The following SMC5 variants were observed in gnomAD, a reference collection of about 807,000 sequenced individuals.
The protein encoded by SMC5 is structural maintenance of chromosomes 5, also known as structural maintenance of chromosomes protein 5.
Under a neutral mutation model 148.3 loss-of-function variants are expected in SMC5, and 88 were observed. The observed-to-expected ratio is 0.59, with a 90% CI of 0.50 to 0.71. SMC5 has a LOEUF of 0.71. SMC5 is among the 30% of genes least tolerant of loss of function. The pLI is 0.00. For synonymous variants in SMC5, 421 were observed against 432.8 expected (o/e 0.97, Z 0.34); for missense variants, 1,142 against 1,298.9 (o/e 0.88, Z 1.86).
chr9:70,273,730 A>T (rs1432621523), intron 3 of SMC5, among the ~76,000 whole-genome samples: 1 of 151,978 alleles, frequency 6.6e-6, no homozygotes, highest in Non-Finnish European at 1.5e-5. Flanking sequence ...TGATTTTCTT[A>T]TTTTTTAGTA....
Position 70,300,099 on chromosome 9 carries a change from A to C in SMC5, c.1363A>C (p.Lys455Gln), listed in dbSNP as rs143352428. Residue 455 changes from lysine (K) to glutamine (Q), a missense_variant, in exon 10 of 25, where the codon AAG becomes CAG. Physicochemically the swap from Lys to Gln is moderately conservative, Grantham distance 53. Coordinates refer to ENST00000361138, the MANE Select transcript of SMC5 (RefSeq NM_015110.4). ...CAATCTTATGAATCAGAAGGAAGAT[A>C]AGCTAAGACAGAGATTCCGTGACAC... The part of the protein sequence containing the change: ...FDNLMNQKED[K>Q]LRQRFRDTYD... 328 of 1,600,116 alleles carry C rather than the reference A, an allele frequency of 2.0e-4. 1 individual carries two copies. The highest frequency in any genetic ancestry group is 2.7e-4 in the Non-Finnish European group (315 of 1,176,466).
intron 18 of SMC5, among the ~76,000 whole-genome samples, chr9:70,346,068 T>A (rs1412331919): frequency 6.6e-6 from 1 of 152,074 alleles, no homozygotes; most frequent in Non-Finnish European, 1.5e-5. Flanking sequence ...ATGGAGAAGA[T>A]TGAAGGAGAA....
chr9:70,300,296 T>C lies in SMC5; in HGVS notation c.1464+96T>C, dbSNP rs138206559. The C allele has an allele frequency of 5.1e-5, 59 of 1,148,594 alleles. No homozygotes were observed. In the African/African-American group the frequency reaches 9.0e-4, roughly 17 times the overall value. 71.2% of individuals were successfully genotyped at this position (1,148,594 alleles called of 1,614,324 possible). On this transcript the variant is annotated intron_variant, in intron 10 of 24. Coordinates refer to ENST00000361138, the MANE Select transcript of SMC5 (RefSeq NM_015110.4). ...TTTAGTCCCAATATTACCCTGGTTT[T>C]ACATTATCAGACTTGTGGCATCTGG...
At chr9:70,261,210 C>G (rs895073590) in intron 1 of SMC5, among the ~76,000 whole-genome samples, 3 of 152,176 alleles carry the variant, frequency 2.0e-5, no homozygotes, top group Admixed American at 1.3e-4. Flanking sequence ...TGTATGTTTA[C>G]TATGCTAAGA....
intron 8 of SMC5, among the ~76,000 whole-genome samples, chr9:70,296,775 A>G (rs549830694): frequency 1.4e-3 from 213 of 152,328 alleles, no homozygotes; most frequent in African/African-American, 3.7e-3. Flanking sequence ...AATTGGGCAT[A>G]TAAGTGTATA....
intron 13 of SMC5, 45 bp from the exon 14 acceptor site, chr9:70,318,467 CAT>C: frequency 7.4e-7 from 1 of 1,356,930 alleles, no homozygotes; most frequent in Non-Finnish European, 9.8e-7. Flanking sequence ...TACTTTAAAA[CAT>C]ATAATTTATA....
At chr9:70,339,492 G>A (rs1158268484) in intron 17 of SMC5, among the ~76,000 whole-genome samples, 1 of 151,478 alleles carries the variant, frequency 6.6e-6, no homozygotes, top group Non-Finnish European at 1.5e-5. Flanking sequence ...GTGTATGATA[G>A]TTCACTTTCT....
chr9:70,342,295 C>T (rs1353389871), intron 17 of SMC5, among the ~76,000 whole-genome samples: 1 of 149,346 alleles, frequency 6.7e-6, no homozygotes, highest in Non-Finnish European at 1.5e-5. Flanking sequence ...TGCTAGATGA[C>T]GAGTTAATGG....
Position 70,287,195 on chromosome 9 carries a change from C to T in SMC5, c.1053+924C>T, listed in dbSNP as rs2034928076. 2.6e-5 allele frequency among the ~76,000 whole-genome samples: 4 copies of T among 152,218 alleles called. No homozygotes were observed. The South Asian group carries it at 8.3e-4, about 32-fold the overall frequency. On this transcript the variant is annotated intron_variant, in intron 8 of 24. Transcript: ENST00000361138. ...TGTAGTATCCTGTTTTTGATATGTG[C>T]AGCTTCTCAATCTGAGAATATAAAT...
rs768925921 is a variant in SMC5, at chr9:70,277,360, A to G, written c.431A>G (p.Lys144Arg). Residue 144 changes from lysine (K) to arginine (R), a missense_variant, in exon 4 of 25, where the codon AAA becomes AGA. Lys to Arg is a conservative substitution (Grantham distance 26). Coordinates refer to ENST00000361138, the MANE Select transcript of SMC5 (RefSeq NM_015110.4). ...LVITREIDVA[K>R]NQSFWFINKK... ...ATCACCCGTGAGATTGATGTGGCAAAAAATCAGTCCTTTTGGTTCATCAAC... is the reference window on the plus strand; with the variant it reads ...ATCACCCGTGAGATTGATGTGGCAAGAAATCAGTCCTTTTGGTTCATCAAC... 1.2e-6 allele frequency: 2 copies of G among 1,602,334 alleles called. No homozygotes were observed. The highest frequency in any genetic ancestry group is 1.7e-6 in the Non-Finnish European group (2 of 1,174,326).
chr9:70,299,013 A>G (rs977289006), intron 9 of SMC5, among the ~76,000 whole-genome samples: 3 of 151,788 alleles, frequency 2.0e-5, no homozygotes, highest in Admixed American at 6.6e-5. Flanking sequence ...TATTATAAAT[A>G]ATATACATAT....
chr9:70,328,719 A>T (rs939343539), intron 17 of SMC5, among the ~76,000 whole-genome samples: 2 of 152,160 alleles, frequency 1.3e-5, no homozygotes, highest in African/African-American at 4.8e-5. Flanking sequence ...TCACAGCTCC[A>T]CTAGGCAGTG....
chr9:70,317,901 A>G (rs2035844491), intron 13 of SMC5, among the ~76,000 whole-genome samples: 1 of 152,178 alleles, frequency 6.6e-6, no homozygotes, highest in African/African-American at 2.4e-5. Flanking sequence ...TATAACTGAG[A>G]GGAGGGGAGA....
chr9:70,272,100 T>C (rs559125154), intron 3 of SMC5, among the ~76,000 whole-genome samples: 13 of 152,318 alleles, frequency 8.5e-5, no homozygotes, highest in African/African-American at 3.1e-4. Context: ...AACAACGCTA[T>C]GAGAGATGAT....
intron 11 of SMC5, among the ~76,000 whole-genome samples, chr9:70,306,871 A>G (rs905806249): frequency 6.6e-6 from 1 of 152,188 alleles, no homozygotes; most frequent in Non-Finnish European, 1.5e-5. Context: ...TTTATTCTAT[A>G]TAACCTTCTC....
At chr9:70,331,554 A>G (rs1290241262) in intron 17 of SMC5, among the ~76,000 whole-genome samples, 1 of 151,752 alleles carries the variant, frequency 6.6e-6, no homozygotes, top group Admixed American at 6.6e-5. Flanking sequence ...CACAATATTT[A>G]TGAAGGAAAT....
At chr9:70,348,928 C>CT (rs1465116191) in intron 22 of SMC5, among the ~76,000 whole-genome samples, 1 of 151,940 alleles carries the variant, frequency 6.6e-6, no homozygotes, top group East Asian at 1.9e-4. Flanking sequence ...GACAGAGACT[C>CT]TGTCTCAAAA....
At chr9:70,279,287 G>A (rs530597892) in intron 5 of SMC5, among the ~76,000 whole-genome samples, 5 of 152,176 alleles carry the variant, frequency 3.3e-5, no homozygotes, top group East Asian at 3.9e-4. Flanking sequence ...AGACTGATTC[G>A]GGAGAATCGC....
At chr9:70,350,518 T>G in intron 24 of SMC5, 47 bp downstream of exon 24, 12 of 1,332,442 alleles carry the variant, frequency 9.0e-6, no homozygotes, top group Non-Finnish European at 1.2e-5. Context: ...AGAAATCTCC[T>G]GTGACATAAT....
Sources: gnomAD v4.1 joint callset for allele counts (sites outside exome capture counted in the v4.1 genomes callset) on GRCh38, gnomAD v4.1.1 for gene constraint, MANE v1.5 for transcripts, NCBI Gene and HGNC (gene_info 2026-07-23, HGNC 2026-07-21) for gene names.